The following NTRK2 variants were observed in gnomAD, a reference collection of about 807,000 sequenced individuals.
NTRK2 encodes neurotrophic receptor tyrosine kinase 2, also known as BDNF/NT-3 growth factors receptor.
In NTRK2, 13 loss-of-function variants were observed where a neutral mutation model predicts 94.5. The observed-to-expected ratio is 0.14, with a 90% CI of 0.09 to 0.22. NTRK2 has a LOEUF of 0.22. Ranked by LOEUF, NTRK2 falls within the 10% of genes least tolerant of loss-of-function variation. The probability of loss-of-function intolerance (pLI) is 1.00; values close to 1 mark genes in which losing one functional copy is unlikely to be tolerated. For synonymous variants in NTRK2, 372 were observed against 407.4 expected (o/e 0.91, Z 1.05); for missense variants, 639 against 1,071.2 (o/e 0.60, Z 5.63).
chr9:84,672,208 C>T (rs1169864261), intron 2 of NTRK2, among the ~76,000 whole-genome samples: 5 of 152,180 alleles, frequency 3.3e-5, no homozygotes, highest in African/African-American at 1.2e-4. Context: ...GTTGCCTGTT[C>T]TGCTGCTGAT....
intron 14 of NTRK2, among the ~76,000 whole-genome samples, chr9:84,903,174 G>A (rs904413923): frequency 5.3e-5 from 8 of 152,104 alleles, no homozygotes; most frequent in Non-Finnish European, 8.8e-5. Flanking sequence ...ATAATACAGT[G>A]CAGATGGAAC....
rs567136873 is a variant in NTRK2, at chr9:84,903,737, C to G, written c.1634-30425C>G. 9.6e-4 allele frequency among the ~76,000 whole-genome samples: 146 copies of G among 151,752 alleles called. 1 individual carries two copies. In the Middle Eastern group the frequency reaches 0.014, roughly 14 times the overall value. On this transcript the variant is annotated intron_variant, in intron 14 of 18. Transcript: ENST00000277120. ...TCCTTCTTTCCTTCCTTGCCTCCCT[C>G]CCTCCCTTCTCTCTCTCTCTCTCAG...
chr9:84,749,183 G>A (rs1320353540), intron 11 of NTRK2, among the ~76,000 whole-genome samples: 2 of 151,814 alleles, frequency 1.3e-5, no homozygotes, highest in Non-Finnish European at 2.9e-5. Context: ...AGCCAAGATC[G>A]CACCATTGCA....
At chr9:84,743,390 A>G (rs1454130415) in intron 10 of NTRK2, among the ~76,000 whole-genome samples, 3 of 152,016 alleles carry the variant, frequency 2.0e-5, no homozygotes, top group Non-Finnish European at 4.4e-5. Context: ...GCCTGTCTGT[A>G]TGTTTATTAT....
chr9:84,765,358 C>A (rs2065929591), intron 12 of NTRK2, among the ~76,000 whole-genome samples: 2 of 152,062 alleles, frequency 1.3e-5, no homozygotes. Context: ...AATTGAAAAA[C>A]AATAAATAAA....
chr9:84,959,837 A>G (rs905878430), intron 17 of NTRK2, among the ~76,000 whole-genome samples: 1 of 152,216 alleles, frequency 6.6e-6, no homozygotes, highest in Non-Finnish European at 1.5e-5. Flanking sequence ...CTACTTGGTC[A>G]TGCCTGTGCC....
chr9:84,747,282 C>A (rs144394828), intron 11 of NTRK2, among the ~76,000 whole-genome samples: 1 of 152,090 alleles, frequency 6.6e-6, no homozygotes, highest in Admixed American at 6.6e-5. Flanking sequence ...ATAGCAAGAA[C>A]AAATACCATG....
At chr9:84,969,998 C>A (rs1825994440) in intron 17 of NTRK2, among the ~76,000 whole-genome samples, 1 of 152,168 alleles carries the variant, frequency 6.6e-6, no homozygotes, top group African/African-American at 2.4e-5. Flanking sequence ...GTCTCTGGAG[C>A]CAGATTTTCT....
At chr9:84,899,460 T>G (rs892320712) in intron 14 of NTRK2, among the ~76,000 whole-genome samples, 2 of 152,210 alleles carry the variant, frequency 1.3e-5, no homozygotes, top group African/African-American at 2.4e-5. Context: ...CCTTTACTTT[T>G]TTTCTCTCTC....
chr9:84,738,617 TTGA>T (rs1564160985), intron 9 of NTRK2, among the ~76,000 whole-genome samples: 1 of 152,220 alleles, frequency 6.6e-6, no homozygotes, highest in Admixed American at 6.5e-5. Flanking sequence ...AGCAAAATAC[TTGA>T]TGAGCTGGGG....
intron 17 of NTRK2, among the ~76,000 whole-genome samples, chr9:85,012,275 C>T (rs1831701545): frequency 6.6e-6 from 1 of 152,098 alleles, no homozygotes; most frequent in Non-Finnish European, 1.5e-5. Context: ...ATGTGAGCCA[C>T]TGTGCCCAGC....
chr9:84,744,806 G>A lies in NTRK2; in HGVS notation c.1196-167G>A, dbSNP rs114350284. ...CGTTGTGCAGTCTCAGCGCTGCAGT[G>A]CATTGAACTCAGCAGCCTGGTCACG... On this transcript the variant is annotated intron_variant, in intron 10 of 18. Transcript: ENST00000277120. Among the ~76,000 whole-genome samples the A allele has an allele frequency of 3.3e-3, 506 of 152,270 alleles. 6 individuals are homozygous for A. Among genetic ancestry groups the A allele is most frequent in the African/African-American group, 0.011 (461 of 41,548 alleles).
chr9:84,722,248 A>AGG (rs539958423), intron 6 of NTRK2, among the ~76,000 whole-genome samples: 1 of 144,290 alleles, frequency 6.9e-6, no homozygotes, highest in East Asian at 2.1e-4. Flanking sequence ...AGAGTTTGGA[A>AGG]GGGGGGGTCT....
At chr9:84,718,230 C>T (rs1275544456) in intron 6 of NTRK2, among the ~76,000 whole-genome samples, 5 of 152,028 alleles carry the variant, frequency 3.3e-5, no homozygotes, top group African/African-American at 7.3e-5. Flanking sequence ...AACAATTGCC[C>T]GACACTTATG....
At chr9:84,842,318 C>T (rs2074232910) in intron 12 of NTRK2, among the ~76,000 whole-genome samples, 1 of 152,186 alleles carries the variant, frequency 6.6e-6, no homozygotes, top group Non-Finnish European at 1.5e-5. Flanking sequence ...CTCCCCATGG[C>T]TGCCAGCGTT....
At chr9:84,815,538 A>G in intron 12 of NTRK2, 1 of 995,036 alleles carries the variant, frequency 1.0e-6, no homozygotes, top group Non-Finnish European at 1.2e-6. Context: ...TTTTTTTCCT[A>G]TAATGTTCTG....
Position 85,024,358 on chromosome 9 carries a change from A to T in NTRK2, c.*2921A>T. 1 of 233,142 alleles carries T rather than the reference A, an allele frequency of 4.3e-6. No individual in the cohort carries two copies. The highest frequency in any genetic ancestry group is 2.2e-5 in the African/African-American group (1 of 45,458). The allele number at this position is 233,142 out of a possible 1,614,324, so 14.4% of individuals were successfully genotyped here. On this transcript the variant is annotated 3_prime_UTR_variant, in exon 19 of 19. Coordinates refer to ENST00000277120, the MANE Select transcript of NTRK2 (RefSeq NM_006180.6). ...CTTCCATCAAATTTGTGAAAACTAC[A>T]ACAGTATAACAGTGACAAACCTAAT...
intron 12 of NTRK2, among the ~76,000 whole-genome samples, chr9:84,833,087 C>G (rs564212975): frequency 8.8e-4 from 125 of 141,364 alleles, no homozygotes; most frequent in Non-Finnish European, 1.5e-3. Context: ...TATTCTTGGG[C>G]CTCATTGGTG....
At chr9:84,809,183 G>T (rs529123654) in intron 12 of NTRK2, among the ~76,000 whole-genome samples, 2 of 152,006 alleles carry the variant, frequency 1.3e-5, no homozygotes, top group Admixed American at 6.6e-5. Context: ...AATAGTTTGG[G>T]TGCAATGCTA....
Sources: allele counts gnomAD v4.1 joint callset (sites outside exome capture counted in the v4.1 genomes callset), GRCh38; gene constraint gnomAD v4.1.1; transcripts MANE v1.5; gene names NCBI Gene and HGNC (gene_info 2026-07-23, HGNC 2026-07-21).